The following MSI2 variants were observed in gnomAD, a reference collection of about 807,000 sequenced individuals.
MSI2 encodes the protein RNA-binding protein Musashi homolog 2.
MSI2 carries 17 observed loss-of-function variants against 45.6 expected under a neutral mutation model. The observed-to-expected ratio is 0.37, with a 90% CI of 0.26 to 0.56. MSI2 has a LOEUF of 0.56. Among genes scored for constraint, MSI2 ranks in the 20% least tolerant of loss-of-function variants. The pLI, the probability that MSI2 is intolerant of heterozygous loss-of-function variation, is 0.77. For missense variants in MSI2, 293 were observed against 444.2 expected (o/e 0.66, Z 3.06); for synonymous variants, 156 against 158.2 (o/e 0.99, Z 0.11).
intron 5 of MSI2, chr17:57,268,335 C>T (rs892181384): frequency 6.6e-6 from 1 of 152,112 alleles, no homozygotes; most frequent in African/African-American, 2.4e-5. Flanking sequence ...GGTGTGATCA[C>T]CAAAGCCAGG....
intron 5 of MSI2, among the ~76,000 whole-genome samples, chr17:57,332,955 G>A (rs1914388126): frequency 6.6e-6 from 1 of 152,096 alleles, no homozygotes; most frequent in South Asian, 2.1e-4. Context: ...AACCTGGAAG[G>A]CAGAGGTTGC....
intron 5 of MSI2, among the ~76,000 whole-genome samples, chr17:57,394,997 A>T (rs975363518): frequency 4.6e-5 from 7 of 152,244 alleles, no homozygotes; most frequent in Non-Finnish European, 1.0e-4. Context: ...TCAAAGTGTC[A>T]GCAGGACTGG....
intron 5 of MSI2, among the ~76,000 whole-genome samples, chr17:57,331,311 T>C (rs1650086021): frequency 6.6e-6 from 1 of 151,618 alleles, no homozygotes. Context: ...TTCCACGTGG[T>C]TCCTCGATGA....
chr17:57,321,764 G>A, intron 5 of MSI2, among the ~76,000 whole-genome samples: 1 of 152,048 alleles, frequency 6.6e-6, no homozygotes, highest in East Asian at 1.9e-4. Flanking sequence ...AAATCCTTTT[G>A]TGTTGGGCTG....
At chr17:57,393,314 A>G (rs2083828941) in intron 5 of MSI2, among the ~76,000 whole-genome samples, 1 of 152,216 alleles carries the variant, frequency 6.6e-6, no homozygotes, top group Non-Finnish European at 1.5e-5. Flanking sequence ...AAATCCAAAA[A>G]CATTTGAAAT....
intron 7 of MSI2, among the ~76,000 whole-genome samples, chr17:57,579,706 A>G (rs941258252): frequency 5.9e-5 from 9 of 151,996 alleles, no homozygotes; most frequent in African/African-American, 2.2e-4. Context: ...CAGCAAGTCA[A>G]TATAAGTAAT....
intron 8 of MSI2, among the ~76,000 whole-genome samples, chr17:57,609,776 G>C (rs1184074419): frequency 6.6e-6 from 1 of 152,244 alleles, no homozygotes; most frequent in Non-Finnish European, 1.5e-5. Flanking sequence ...CAGGGAAGCT[G>C]TTCTTGCAGA....
chr17:57,578,303 G>A (rs1180180049), intron 7 of MSI2, among the ~76,000 whole-genome samples: 1 of 152,188 alleles, frequency 6.6e-6, no homozygotes, highest in African/African-American at 2.4e-5. Flanking sequence ...CTTAGTTAGG[G>A]GACGTATGAA....
chr17:57,274,044 C>G (rs1417675979), intron 5 of MSI2, among the ~76,000 whole-genome samples: 1 of 152,142 alleles, frequency 6.6e-6, no homozygotes, highest in Non-Finnish European at 1.5e-5. Context: ...GGCCTTGTCT[C>G]AGATATTGAC....
chr17:57,529,801 C>T lies in MSI2; in HGVS notation c.454+77C>T. The T allele has an allele frequency of 8.1e-7, 1 of 1,230,314 alleles. No individual in the cohort carries two copies. The highest frequency in any genetic ancestry group is 1.2e-6 in the Non-Finnish European group (1 of 856,948). 76.2% of individuals were successfully genotyped at this position (1,230,314 alleles called of 1,614,324 possible). A position where few individuals can be genotyped will look rare whatever the true frequency, so the allele number is the denominator to read the frequency against. Reference sequence around the variant, plus strand: ...TGTCTGTCATCCCCAGTCCCACTGACAAAAGATACAGTGAAGAGTCCAGAG... The same window carrying T: ...TGTCTGTCATCCCCAGTCCCACTGATAAAAGATACAGTGAAGAGTCCAGAG... On this transcript the variant is annotated intron_variant, in intron 7 of 13. Coordinates refer to ENST00000284073, the MANE Select transcript of MSI2 (RefSeq NM_138962.4). This position sits in a 1 kb window ranked among gnomAD's most constrained non-coding sequence, Gnocchi z 5.3.
In MSI2 at chr17:57,256,783, A is replaced by G; in HGVS notation, c.41A>G (p.Asn14Ser). 1 of 1,479,870 alleles carries G rather than the reference A, an allele frequency of 6.8e-7. No homozygotes were observed. The highest frequency in any genetic ancestry group is 9.0e-7 in the Non-Finnish European group (1 of 1,117,280). 91.7% of individuals were successfully genotyped at this position (1,479,870 alleles called of 1,614,324 possible). A position where few individuals can be genotyped will look rare whatever the true frequency, so the allele number is the denominator to read the frequency against. The change falls in exon 1 of 14, where the codon AAC becomes AGC. Residue 14 changes from asparagine (N) to serine (S), a missense_variant. Transcript: ENST00000284073. Reference protein sequence around the residue: ...NGSQGTSGSANDSQHDPGKMF... With the variant: ...NGSQGTSGSASDSQHDPGKMF... ...AGCCAAGGCACCTCGGGCAGCGCCA[A>G]CGACTCCCAGCACGACCCCGGGTAA...
intron 6 of MSI2, among the ~76,000 whole-genome samples, chr17:57,412,195 G>A (rs1413599578): frequency 1.3e-5 from 2 of 151,622 alleles, no homozygotes; most frequent in African/African-American, 4.8e-5. Context: ...GTGCCACCAC[G>A]CCTGAATAAT....
At chr17:57,634,742 T>G (rs1909711266) in intron 10 of MSI2, among the ~76,000 whole-genome samples, 1 of 152,210 alleles carries the variant, frequency 6.6e-6, no homozygotes, top group African/African-American at 2.4e-5. Context: ...TTATCTCTCA[T>G]GTAAAAGAAG....
intron 5 of MSI2, among the ~76,000 whole-genome samples, 183 bp from the exon 6 acceptor site, chr17:57,401,196 T>A (rs1369237380): frequency 1.3e-5 from 2 of 152,116 alleles, no homozygotes; most frequent in Non-Finnish European, 2.9e-5. Flanking sequence ...TCTGAATGCC[T>A]GAGATATGCA....
At chr17:57,286,898 G>A (rs919852421) in intron 5 of MSI2, among the ~76,000 whole-genome samples, 1 of 152,138 alleles carries the variant, frequency 6.6e-6, no homozygotes. Flanking sequence ...TTAAAATGCC[G>A]AGGTAGGTTT....
intron 5 of MSI2, among the ~76,000 whole-genome samples, chr17:57,346,988 GCA>G (rs1273030468): frequency 6.6e-6 from 1 of 152,136 alleles, no homozygotes; most frequent in African/African-American, 2.4e-5. Flanking sequence ...TTGTGTGTGT[GCA>G]CAGTTTACAT....
intron 5 of MSI2, among the ~76,000 whole-genome samples, chr17:57,300,018 C>T (rs976377261): frequency 2.6e-5 from 4 of 152,150 alleles, no homozygotes; most frequent in African/African-American, 7.2e-5. Context: ...TCGCTTCCTT[C>T]ACTCTGTTCA....
intron 7 of MSI2, among the ~76,000 whole-genome samples, chr17:57,539,112 G>A (rs117957046): frequency 6.6e-6 from 1 of 151,900 alleles, no homozygotes; most frequent in Non-Finnish European, 1.5e-5. Context: ...TTTTTTATGG[G>A]GAAGAGAATT....
chr17:57,590,699 G>T (rs908953324), intron 7 of MSI2, among the ~76,000 whole-genome samples: 7 of 152,156 alleles, frequency 4.6e-5, no homozygotes, highest in African/African-American at 1.7e-4. Flanking sequence ...CTGACTACTG[G>T]AGCCCCTTGG....
Sources: allele counts gnomAD v4.1 joint callset (sites outside exome capture counted in the v4.1 genomes callset), GRCh38; gene constraint gnomAD v4.1.1; non-coding constraint Gnocchi (gnomAD v3.1); transcripts MANE v1.5; gene names NCBI Gene and HGNC (gene_info 2026-07-23, HGNC 2026-07-21).